The following VTCN1 variants were observed in gnomAD, a reference collection of about 807,000 sequenced individuals.
The protein encoded by VTCN1 is V-set domain-containing T-cell activation inhibitor 1.
Under a neutral mutation model 26.5 loss-of-function variants are expected in VTCN1, and 26 were observed. The ratio of observed to expected loss-of-function variants is 0.98; its 90% CI spans 0.72 to 1.36. VTCN1 has a LOEUF of 1.36. Among genes scored for constraint, VTCN1 ranks in the 40% most tolerant of loss-of-function variants. The probability of loss-of-function intolerance (pLI) is 0.00; values close to 1 mark genes in which losing one functional copy is unlikely to be tolerated. For missense variants in VTCN1, 298 were observed against 337.7 expected (o/e 0.88, Z 0.92); for synonymous variants, 116 against 130.7 (o/e 0.89, Z 0.77).
Position 117,203,326 on chromosome 1 carries a change from G to A in VTCN1, c.32+7498C>T, listed in dbSNP as rs559837843. 1.7e-3 allele frequency among the ~76,000 whole-genome samples: 266 copies of A among 152,144 alleles called. 1 individual carries two copies. Among genetic ancestry groups the A allele is most frequent in the Non-Finnish European group, 3.2e-3 (216 of 67,984 alleles). ...TGGCCATTCTGGGGGTGGAGGTGCT[G>A]AGAAAACACAATGAGGAGGTGAGGC... On this transcript the variant is annotated intron_variant, in intron 1 of 5. Transcript: ENST00000369458.
chr1:117,186,063 T>C (rs1347854322), intron 1 of VTCN1, among the ~76,000 whole-genome samples: 2 of 152,232 alleles, frequency 1.3e-5, no homozygotes, highest in African/African-American at 4.8e-5. Flanking sequence ...GTTTCACACA[T>C]TCCTTGCATG....
At chr1:117,201,617 G>T (rs1408296597) in intron 1 of VTCN1, among the ~76,000 whole-genome samples, 1 of 152,208 alleles carries the variant, frequency 6.6e-6, no homozygotes, top group African/African-American at 2.4e-5. Context: ...GTACCCAAGA[G>T]ATATAGCCCC....
chr1:117,179,430 T>C (rs1403470049), intron 1 of VTCN1, among the ~76,000 whole-genome samples: 2 of 152,218 alleles, frequency 1.3e-5, no homozygotes, highest in African/African-American at 4.8e-5. Context: ...ATCATTTCAG[T>C]ATTTGAAAGG....
chr1:117,156,696 A>T lies in VTCN1; in HGVS notation c.323T>A (p.Val108Glu). ...RGRTAVFADQ[V>E]IVGNASLRLK... ...CCGCAAAGAGGCATTGCCAACTATC[A>T]CTTGATCAGCAAACACTGCTGTCCG... is the stretch of plus-strand genomic sequence containing the variant. The change falls in exon 3 of 6, where the codon GTG (valine) becomes GAG (glutamate). Residue 108 changes from valine to glutamate, a missense_variant. Coordinates refer to ENST00000369458, the MANE Select transcript of VTCN1 (RefSeq NM_024626.4). The T allele has an allele frequency of 6.2e-7, 1 of 1,614,152 alleles. No individual in the cohort carries two copies. The highest frequency in any genetic ancestry group is 8.5e-7 in the Non-Finnish European group (1 of 1,180,014).
chr1:117,149,996 C>T (rs183462800), intron 4 of VTCN1, among the ~76,000 whole-genome samples: 132 of 152,306 alleles, frequency 8.7e-4, no homozygotes, highest in African/African-American at 2.9e-3. Flanking sequence ...AAGGTGTGCT[C>T]AATGTCTATG....
In VTCN1 at chr1:117,159,856, T is replaced by G. The variant is rs1652274781; in HGVS notation, c.98-2935A>C. Among the ~76,000 whole-genome samples the G allele has an allele frequency of 6.6e-6, 1 of 152,222 alleles. No homozygotes were observed. Among genetic ancestry groups the G allele is most frequent in the African/African-American group, 2.4e-5 (1 of 41,448 alleles). ...GAAGAACTGTATTTAATTCAGTTGA[T>G]TTTTGGTTTAAAATGAAAGCCACCC... is the stretch of plus-strand genomic sequence containing the variant. On this transcript the variant is annotated intron_variant, in intron 2 of 5. Transcript: ENST00000369458. This position sits in a 1 kb window ranked among gnomAD's most constrained non-coding sequence, Gnocchi z 4.7.
chr1:117,170,363 T>C, intron 1 of VTCN1, 192 bp from the exon 2 acceptor site: 1 of 686,942 alleles, frequency 1.5e-6, no homozygotes, highest in Non-Finnish European at 2.7e-6. Flanking sequence ...CCCATCCCCC[T>C]GGGGCTCTGG....
At chr1:117,150,312 C>T (rs114157293) in intron 4 of VTCN1, among the ~76,000 whole-genome samples, 8,175 of 152,240 alleles carry the variant, frequency 0.054, 268 homozygotes, top group South Asian at 0.079. Flanking sequence ...TTGGCAATCA[C>T]GTCTTGCCAT....
chr1:117,156,859 G>A lies in VTCN1; in HGVS notation c.160C>T (p.Leu54=), dbSNP rs762698434. The stretch of plus-strand genomic sequence containing the variant: ...ATGTCAGGTTCAAAAGTGCAGCTCA[G>A]GATTCCATCCTCCCCAATGTTCCCA... ...SAGNIGEDGI[L]SCTFEPDIKL... is the part of the protein sequence containing the mutation. The change falls in exon 3 of 6, where the codon CTG becomes TTG. Residue 54 remains leucine, a synonymous_variant. Coordinates refer to ENST00000369458, the MANE Select transcript of VTCN1 (RefSeq NM_024626.4). The A allele has an allele frequency of 6.2e-7, 1 of 1,614,034 alleles. No individual in the cohort carries two copies. Among genetic ancestry groups the A allele is most frequent in the South Asian group, 1.1e-5 (1 of 91,086 alleles).
chr1:117,153,441 T>A, intron 3 of VTCN1, 72 bp from the exon 4 acceptor site: 1 of 1,479,262 alleles, frequency 6.8e-7, no homozygotes, highest in Non-Finnish European at 9.0e-7. Flanking sequence ...TTTGAAGCGC[T>A]AGGCCTTAAA....
At chr1:117,182,880 C>G (rs12031626) in intron 1 of VTCN1, among the ~76,000 whole-genome samples, 6,539 of 152,208 alleles carry the variant, frequency 0.043, 314 homozygotes, top group East Asian at 0.16. Context: ...GTACCTACCC[C>G]ACCTTTGGTT....
intron 1 of VTCN1, among the ~76,000 whole-genome samples, chr1:117,180,014 T>C (rs543564112): frequency 6.6e-6 from 1 of 152,268 alleles, no homozygotes; most frequent in Admixed American, 6.5e-5. Flanking sequence ...TCAAAAGACT[T>C]GTAAATCTTG....
At chr1:117,205,074 T>C (rs1219741891) in intron 1 of VTCN1, among the ~76,000 whole-genome samples, 3 of 83,066 alleles carry the variant, frequency 3.6e-5, no homozygotes, top group Non-Finnish European at 5.4e-5. Flanking sequence ...TATATGTATA[T>C]GTACATGTAT....
At chr1:117,173,187 C>T (rs571503593) in intron 1 of VTCN1, 31 of 716,440 alleles carry the variant, frequency 4.3e-5, no homozygotes, top group Middle Eastern at 4.7e-4. Context: ...TAACACTCAC[C>T]GCGAGGTCAG....
Position 117,183,273 on chromosome 1 carries a change from AC to A in VTCN1, c.33-13103del, listed in dbSNP as rs1308427005. ...TTCAAGTTCTTGGAACATGCAAGGA[AC>A]TTACCAAATGCTTGTTGAATAAATG... is the stretch of plus-strand genomic sequence containing the variant. On this transcript the variant is annotated intron_variant, in intron 1 of 5. Coordinates refer to ENST00000369458, the MANE Select transcript of VTCN1 (RefSeq NM_024626.4). This position sits in a 1 kb window ranked among gnomAD's most constrained non-coding sequence, Gnocchi z 4.1. Among the ~76,000 whole-genome samples the A allele has an allele frequency of 6.6e-6, 1 of 152,198 alleles. No homozygotes were observed. The highest frequency in any genetic ancestry group is 1.5e-5 in the Non-Finnish European group (1 of 68,044).
intron 1 of VTCN1, among the ~76,000 whole-genome samples, chr1:117,179,254 C>T (rs1647555170): frequency 6.6e-6 from 1 of 152,126 alleles, no homozygotes; most frequent in Non-Finnish European, 1.5e-5. Flanking sequence ...CTGACACTAC[C>T]CTTGCTGTGT....
intron 1 of VTCN1, among the ~76,000 whole-genome samples, chr1:117,201,520 T>G (rs998063578): frequency 6.6e-6 from 1 of 152,150 alleles, no homozygotes; most frequent in Non-Finnish European, 1.5e-5. Flanking sequence ...TGCAGCCTTG[T>G]TCCTAGGTTC....
At chr1:117,171,109 T>G (rs904261916) in intron 1 of VTCN1, among the ~76,000 whole-genome samples, 5 of 151,692 alleles carry the variant, frequency 3.3e-5, no homozygotes, top group African/African-American at 9.7e-5. Flanking sequence ...TGGTGTTTGG[T>G]TTTCTGTTCC....
chr1:117,207,797 G>A (rs1649131781), intron 1 of VTCN1, among the ~76,000 whole-genome samples: 1 of 152,134 alleles, frequency 6.6e-6, no homozygotes, highest in African/African-American at 2.4e-5. Context: ...TTATTCTGCA[G>A]CATCCTACCT....
Sources: gnomAD v4.1 joint callset for allele counts (sites outside exome capture counted in the v4.1 genomes callset) on GRCh38, gnomAD v4.1.1 for gene constraint, Gnocchi (gnomAD v3.1) non-coding constraint, MANE v1.5 for transcripts, NCBI Gene and HGNC (gene_info 2026-07-23, HGNC 2026-07-21) for gene names.